Variants in GIT1 observed in about 807,000 individuals in gnomAD.
The protein encoded by GIT1 is ARF GTPase-activating protein GIT1.
A neutral mutation model predicts 91.7 loss-of-function variants in GIT1; 14 were observed. The ratio of observed to expected loss-of-function variants is 0.15; its 90% CI spans 0.10 to 0.24. The LOEUF is 0.24. GIT1 is among the 10% of genes least tolerant of loss of function. The pLI is 1.00. For missense variants in GIT1, 717 were observed against 1,024.9 expected, an observed-to-expected ratio of 0.70 and a Z score of 4.10; for synonymous variants, 414 against 418.2, an observed-to-expected ratio of 0.99 and a Z score of 0.12.
At position 29,589,217 on chromosome 17, in the gene GIT1, C is replaced by A. The variant is rs867312642; in HGVS notation, c.52+110G>T. On this transcript the variant is annotated intron_variant, in intron 1 of 19. Transcript: ENST00000225394. This position sits in a 1 kb window ranked among gnomAD's most constrained non-coding sequence, Gnocchi z 5.2. ...GGGGGCCCAGCCTGGAGGCCGCAGCCCCCCGCCCCGCCCAGCCCTCCGGCC... is the reference window on the plus strand; with the variant it reads ...GGGGGCCCAGCCTGGAGGCCGCAGCACCCCGCCCCGCCCAGCCCTCCGGCC... 5.7e-4 allele frequency: 171 copies of A among 299,516 alleles called. 1 individual carries two copies. Among genetic ancestry groups the A allele is most frequent in the Non-Finnish European group, 7.5e-4 (151 of 201,664 alleles). The allele number at this position is 299,516 out of a possible 1,614,324, so 18.6% of individuals were successfully genotyped here. A position where few individuals can be genotyped will look rare whatever the true frequency, so the allele number is the denominator to read the frequency against.
Position 29,581,594 on chromosome 17 carries a change from GCAGTAATTTCACAGGAGC to G in GIT1, c.718+130_718+147del. ...CCAGCGATGCTATGGCCCAGAGCCT[GCAGTAATTTCACAGGAGC>G]CAGTTGCCTAGCAACATTGCTCCCC... On this transcript the variant is annotated intron_variant, in intron 6 of 19. Coordinates refer to ENST00000225394, the MANE Select transcript of GIT1 (RefSeq NM_014030.4). This position sits in a 1 kb window ranked among gnomAD's most constrained non-coding sequence, Gnocchi z 4.8. The G allele has an allele frequency of 2.8e-6, 2 of 706,104 alleles. No homozygotes were observed. The highest frequency in any genetic ancestry group is 3.3e-5 in the South Asian group (2 of 60,818). The allele number at this position is 706,104 out of a possible 1,614,324, so 43.7% of individuals were successfully genotyped here.
intron 1 of GIT1, chr17:29,584,015 G>T (rs1008089233): frequency 3.1e-5 from 7 of 228,188 alleles, no homozygotes; most frequent in Admixed American, 1.0e-4. Context: ...CTGCATGCCA[G>T]ATGCTGTTGA....
In GIT1 at chr17:29,581,719, G is replaced by A. The variant is rs1283801966; in HGVS notation, c.718+23C>T. The A allele has an allele frequency of 6.3e-7, 1 of 1,592,378 alleles. No homozygotes were observed. The highest frequency in any genetic ancestry group is 1.3e-5 in the African/African-American group (1 of 74,622). On this transcript the variant is annotated intron_variant, in intron 6 of 19. Coordinates refer to ENST00000225394, the MANE Select transcript of GIT1 (RefSeq NM_014030.4). This position sits in a 1 kb window ranked among gnomAD's most constrained non-coding sequence, Gnocchi z 4.8. ...GCCCCAGCCAGGCCTGTCACAGCCAGGCGCCCCCCAAGCTCTGCTCACCCG... is the reference window on the plus strand; with the variant it reads ...GCCCCAGCCAGGCCTGTCACAGCCAAGCGCCCCCCAAGCTCTGCTCACCCG...
intron 4 of GIT1, 89 bp from the exon 5 acceptor site, chr17:29,582,233 C>T: frequency 1.0e-6 from 1 of 973,778 alleles, no homozygotes; most frequent in South Asian, 1.5e-5. Flanking sequence ...CCCTGGGACA[C>T]CTAGCAGCTC....
chr17:29,581,179 G>A lies in GIT1; in HGVS notation c.761+159C>T. 1 of 651,114 alleles carries A rather than the reference G, an allele frequency of 1.5e-6. No homozygotes were observed. The highest frequency in any genetic ancestry group is 2.8e-6 in the Non-Finnish European group (1 of 359,340). The allele number at this position is 651,114 out of a possible 1,614,324, so 40.3% of individuals were successfully genotyped here. On this transcript the variant is annotated intron_variant, in intron 7 of 19. Coordinates refer to ENST00000225394, the MANE Select transcript of GIT1 (RefSeq NM_014030.4). The surrounding 1 kb of genome is among the most constrained non-coding windows in gnomAD (Gnocchi z 4.8). ...GAGCTGACATTTTTTACCTGCCTTG[G>A]GGCCCAGCATTAGGGACTGAGGACT...
chr17:29,578,233 G>T lies in GIT1; in HGVS notation c.883+66C>A, dbSNP rs916165478. Reference sequence around the variant, plus strand: ...AGGCACCCCTTCTTAGCCCAGTAAAGGACCAGAGACCCATGCCTGGGCCGC... The same window carrying T: ...AGGCACCCCTTCTTAGCCCAGTAAATGACCAGAGACCCATGCCTGGGCCGC... On this transcript the variant is annotated intron_variant, in intron 9 of 19. Transcript: ENST00000225394. 6 of 1,301,914 alleles carry T rather than the reference G, an allele frequency of 4.6e-6. No homozygotes were observed. The African/African-American group carries it at 7.3e-5, about 16-fold the overall frequency. 80.6% of individuals were successfully genotyped at this position (1,301,914 alleles called of 1,614,324 possible).
At position 29,581,842 on chromosome 17, in the gene GIT1, AG is replaced by A. The variant is rs760667168; in HGVS notation, c.624-7del. 1.1e-5 allele frequency: 18 copies of A among 1,612,548 alleles called. No individual in the cohort carries two copies. The East Asian group carries it at 4.0e-4, about 36-fold the overall frequency. On this transcript the variant is annotated splice_region_variant and splice_polypyrimidine_tract_variant and intron_variant, in intron 5 of 19. Transcript: ENST00000225394. The surrounding 1 kb of genome is among the most constrained non-coding windows in gnomAD (Gnocchi z 4.8). ...GCTCATGGTGCCCCGCCTGCCTGTG[AG>A]GAGGGGGTATGGCTCAGACCTGCAG...
rs758492897 is a variant in GIT1 at position 29,576,531 on chromosome 17, C to T, written c.1371G>A (p.Leu457=). The T allele has an allele frequency of 6.2e-7, 1 of 1,613,918 alleles. No individual in the cohort carries two copies. Among genetic ancestry groups the T allele is most frequent in the Admixed American group, 1.7e-5 (1 of 60,024 alleles). Residue 457 remains leucine (L), a synonymous_variant, in exon 13 of 20, where the codon CTG becomes CTA. Transcript: ENST00000225394. ...GAGGCTGCACCCTCACCTCTCGCTG[C>T]AGCCTCCGGAGCTCGTCGCTCAGGC... is the stretch of plus-strand genomic sequence containing the variant. ...NSSLSDELRR[L]QREIHKLQAE... is the part of the protein sequence containing the mutation.
At position 29,576,401 on chromosome 17, in the gene GIT1, G is replaced by A. The variant is rs755883234; in HGVS notation, c.1430C>T (p.Pro477Leu). 10 of 1,613,260 alleles carry A rather than the reference G, an allele frequency of 6.2e-6. No individual in the cohort carries two copies. The South Asian group carries it at 8.8e-5, about 14-fold the overall frequency. Residue 477 changes from proline to leucine, a missense_variant, in exon 14 of 20, where the codon CCG becomes CTG. Physicochemically the swap from Pro to Leu is moderately conservative, Grantham distance 98 (BLOSUM62 -3). This residue lies in a region of GIT1 where 312 missense variants were observed against 349.5 expected (regional missense o/e 0.89). Transcript: ENST00000225394. The part of the protein sequence containing the change: ...ENLQLRQPPG[P>L]VPTPPLPSER... ...ACTGGGGAGTGGAGGTGTGGGCACC[G>A]GCCCTGGAGGCTGCCGGAGCTGCAG...
rs2033141339 is a variant in GIT1 at position 29,575,055 on chromosome 17, T to C, written c.2073+24A>G. The C allele has an allele frequency of 3.2e-6, 5 of 1,559,722 alleles. No individual in the cohort carries two copies. The highest frequency in any genetic ancestry group is 1.2e-5 in the South Asian group (1 of 85,768). ...CCCCAGCTCGAGGCCCTCCCACTCC[T>C]GGTCCTCTCTTTGGCCCCTGTACCT... On this transcript the variant is annotated intron_variant, in intron 19 of 19. Transcript: ENST00000225394. This position sits in a 1 kb window ranked among gnomAD's most constrained non-coding sequence, Gnocchi z 5.5.
Position 29,577,754 on chromosome 17 carries a change from G to A in GIT1, c.884-12C>T, listed in dbSNP as rs758354579. ...GGTAGCCAGCCACACTGTAGGGGAC[G>A]GACAGGAGCAGATCAGCCACGGTGG... On this transcript the variant is annotated splice_polypyrimidine_tract_variant and intron_variant, in intron 9 of 19. Transcript: ENST00000225394. The A allele has an allele frequency of 5.1e-6, 8 of 1,559,080 alleles. 1 individual carries two copies. The highest frequency in any genetic ancestry group is 4.4e-5 in the South Asian group (4 of 89,980).
chr17:29,582,769 G>A lies in GIT1; in HGVS notation c.334C>T (p.Gln112Ter), dbSNP rs1319603993. 1 of 1,613,556 alleles carries A rather than the reference G, an allele frequency of 6.2e-7. No homozygotes were observed. Among genetic ancestry groups the A allele is most frequent in the African/African-American group, 1.3e-5 (1 of 74,928 alleles). ...AGCTTGTGCACAAATGCCAGCATCTGGTACTTGGCCCTGATGAACTCTGAC... is the reference window on the plus strand; with the variant it reads ...AGCTTGTGCACAAATGCCAGCATCTAGTACTTGGCCCTGATGAACTCTGAC... ...IKSEFIRAKYQMLAFVHKLPC... is the reference protein window; with the variant it reads ...IKSEFIRAKY The change falls in exon 4 of 20, where the codon CAG becomes TAG. Residue 112 changes from glutamine (Q) to a stop codon, truncating the protein, a stop_gained. Coordinates refer to ENST00000225394, the MANE Select transcript of GIT1 (RefSeq NM_014030.4). LOFTEE classifies it high-confidence loss of function.
At position 29,574,674 on chromosome 17, in the gene GIT1, G is replaced by C. The variant is rs940640712; in HGVS notation, c.*28C>G. The C allele has an allele frequency of 1.3e-6, 2 of 1,554,160 alleles. No homozygotes were observed. The highest frequency in any genetic ancestry group is 2.7e-5 in the African/African-American group (2 of 73,776). ...GCTCCTATGGCCAGTGAGGTCCTAGGGTGCAGGTGAGGGTGTGGGGAGAGA... is the reference window on the plus strand; with the variant it reads ...GCTCCTATGGCCAGTGAGGTCCTAGCGTGCAGGTGAGGGTGTGGGGAGAGA... On this transcript the variant is annotated 3_prime_UTR_variant, in exon 20 of 20. Transcript: ENST00000225394.
In GIT1 at chr17:29,576,810, G is replaced by A. The variant is rs936257497; in HGVS notation, c.1227+53C>T. On this transcript the variant is annotated intron_variant, in intron 12 of 19. Transcript: ENST00000225394. ...TACAAGAGGACAGAGCTGGGCCTCA[G>A]CGAAGGCCTGGGTCAGGGCACAGGG... is the stretch of plus-strand genomic sequence containing the variant. The A allele has an allele frequency of 8.9e-6, 14 of 1,575,586 alleles. No homozygotes were observed. The African/African-American group carries it at 1.2e-4, about 14-fold the overall frequency.
At position 29,582,591 on chromosome 17, in the gene GIT1, C is replaced by T. The variant is rs1598575237; in HGVS notation, c.405+107G>A. ...CCTGTCTACTGTTACCCTGACCTGG[C>T]TGCCTTTGGGGCCCAGGGCTCAGTG... On this transcript the variant is annotated intron_variant, in intron 4 of 19. Transcript: ENST00000225394. 6.6e-6 allele frequency: 5 copies of T among 761,968 alleles called. No individual in the cohort carries two copies. In the Admixed American group the frequency reaches 8.4e-5, roughly 13 times the overall value. The allele number at this position is 761,968 out of a possible 1,614,324, so 47.2% of individuals were successfully genotyped here.
At chr17:29,578,179 T>C (rs761100950) in intron 9 of GIT1, 120 bp downstream of exon 9, 50 of 811,976 alleles carry the variant, frequency 6.2e-5, no homozygotes, top group Non-Finnish European at 1.0e-4. Context: ...CAGGGGCTCA[T>C]CTGCAGGCCT....
rs2150821899 is a variant in GIT1, at chr17:29,575,229, G to A, written c.2009+59C>T. ...GAACCCAGGGCCCCTCATGCTCTCT[G>A]CAACACCCTAGAAGCCAACAGGAAC... On this transcript the variant is annotated intron_variant, in intron 18 of 19. Coordinates refer to ENST00000225394, the MANE Select transcript of GIT1 (RefSeq NM_014030.4). The surrounding 1 kb of genome is among the most constrained non-coding windows in gnomAD (Gnocchi z 5.5). 3.8e-6 allele frequency: 6 copies of A among 1,566,560 alleles called. No homozygotes were observed. Among genetic ancestry groups the A allele is most frequent in the Non-Finnish European group, 3.5e-6 (4 of 1,148,334 alleles).
chr17:29,578,601 G>C, intron 8 of GIT1, 130 bp downstream of exon 8: 2 of 912,000 alleles, frequency 2.2e-6, no homozygotes, highest in South Asian at 2.6e-5. Context: ...GGACTGCTGA[G>C]GCCAGTGAGG....
intron 2 of GIT1, 23 bp from the exon 3 acceptor site, chr17:29,583,060 G>C: frequency 6.9e-7 from 1 of 1,451,080 alleles, no homozygotes; most frequent in Non-Finnish European, 9.6e-7. Context: ...GATGCCAAGT[G>C]AGAGAGTGCC....
Sources: allele counts gnomAD v4.1 joint callset, GRCh38; gene constraint gnomAD v4.1.1; regional missense constraint gnomAD v4.1.1; non-coding constraint Gnocchi (gnomAD v3.1); transcripts MANE v1.5; gene names NCBI Gene and HGNC (gene_info 2026-07-23, HGNC 2026-07-21).